Variants in DST observed in about 807,000 individuals in gnomAD.
DST encodes the protein dystonin.
In DST, 253 loss-of-function variants were observed where a neutral mutation model predicts 875.2. The ratio of observed to expected loss-of-function variants is 0.29; its 90% confidence interval spans 0.26 to 0.32. DST has a LOEUF of 0.32. DST is among the 10% of genes least tolerant of loss of function. The pLI, the probability that DST is intolerant of heterozygous loss-of-function variation, is 1.00. For synonymous variants in DST, 3,124 were observed against 3,197.1 expected (o/e 0.98, Z 0.77); for missense variants, 8,287 against 9,111.6 (o/e 0.91, Z 3.68).
Position 56,603,432 on chromosome 6 carries a change from T to C in DST, c.10942-12A>G. 1 of 1,608,616 alleles carries C rather than the reference T, an allele frequency of 6.2e-7. No homozygotes were observed. The highest frequency in any genetic ancestry group is 8.5e-7 in the Non-Finnish European group (1 of 1,178,164). ...CCCAATTCAAATGTCTGCAAAGAAA[T>C]ATATCCCGGACCTATTTACTATTTA... On this transcript the variant is annotated splice_polypyrimidine_tract_variant and intron_variant, in intron 41 of 103. Coordinates refer to ENST00000680361, the MANE Select transcript of DST (RefSeq NM_001374736.1).
intron 87 of DST, among the ~76,000 whole-genome samples, chr6:56,486,130 G>A (rs892364342): frequency 3.7e-4 from 57 of 152,156 alleles, no homozygotes; most frequent in African/African-American, 1.0e-3. Flanking sequence ...TTGGGAGGCC[G>A]AGGCGGGCGG....
At chr6:56,922,742 CT>C (rs1444396702) in intron 2 of DST, among the ~76,000 whole-genome samples, 1 of 152,114 alleles carries the variant, frequency 6.6e-6, no homozygotes, top group African/African-American at 2.4e-5. Context: ...GCAAATATGA[CT>C]TTTAATGAGT....
At chr6:56,716,909 C>T (rs183988320) in intron 5 of DST, among the ~76,000 whole-genome samples, 149 of 152,196 alleles carry the variant, frequency 9.8e-4, no homozygotes, top group African/African-American at 3.4e-3. Flanking sequence ...CGACCGGGTG[C>T]GGTGGCTCAC....
intron 4 of DST, among the ~76,000 whole-genome samples, chr6:56,758,985 C>G (rs1242949267): frequency 1.3e-5 from 2 of 152,168 alleles, no homozygotes; most frequent in African/African-American, 4.8e-5. Flanking sequence ...GCGCCTGACC[C>G]TGAGCATCAT....
chr6:56,477,381 C>G lies in DST; in HGVS notation c.21639G>C (p.Lys7213Asn), dbSNP rs747455841. ...TCGCCCGGATGATTGTTATCCAGTG[C>G]TTAATGGTAGTGATGGAGTCGGGGT... ...ICHPDSITTI[K>N]HWITIIRARF... is the part of the protein sequence containing the mutation. The change falls in exon 91 of 104, where the codon AAG becomes AAC. Residue 7213 changes from lysine to asparagine, a missense_variant. Physicochemically the swap from Lys to Asn is moderately conservative, Grantham distance 94. This residue lies in a region of DST where 1,292 missense variants were observed against 1,552.7 expected (regional missense o/e 0.83). Coordinates refer to ENST00000680361, the MANE Select transcript of DST (RefSeq NM_001374736.1). 1 of 1,613,856 alleles carries G rather than the reference C, an allele frequency of 6.2e-7. No individual in the cohort carries two copies. Among genetic ancestry groups the G allele is most frequent in the Non-Finnish European group, 8.5e-7 (1 of 1,179,894 alleles).
At chr6:56,871,833 G>A (rs1294327142) in intron 3 of DST, 1 of 290,640 alleles carries the variant, frequency 3.4e-6, no homozygotes, top group Non-Finnish European at 6.5e-6. Flanking sequence ...AACAATCAGG[G>A]TAAAGCAAAT....
At chr6:56,760,285 A>T (rs565941930) in intron 4 of DST, among the ~76,000 whole-genome samples, 20 of 152,332 alleles carry the variant, frequency 1.3e-4, no homozygotes, top group African/African-American at 4.8e-4. Context: ...GACATTAAAC[A>T]ACTTTGAGAA....
At chr6:56,758,680 G>A (rs911373431) in intron 4 of DST, among the ~76,000 whole-genome samples, 10 of 152,144 alleles carry the variant, frequency 6.6e-5, no homozygotes, top group African/African-American at 2.4e-4. Flanking sequence ...ACTATTGGCT[G>A]GAACCTCATT....
intron 27 of DST, among the ~76,000 whole-genome samples, chr6:56,633,842 G>A (rs979768097): frequency 1.3e-5 from 2 of 152,130 alleles, no homozygotes; most frequent in Non-Finnish European, 2.9e-5. Context: ...ACAAGTCTAC[G>A]AAACTCAAAT....
intron 9 of DST, among the ~76,000 whole-genome samples, chr6:56,699,221 A>T (rs1234078072): frequency 1.3e-5 from 2 of 152,222 alleles, no homozygotes; most frequent in African/African-American, 4.8e-5. Flanking sequence ...TTTCTTCTTC[A>T]CATCTCTTTA....
At chr6:56,759,043 A>C in intron 4 of DST, among the ~76,000 whole-genome samples, 1 of 151,908 alleles carries the variant, frequency 6.6e-6, no homozygotes, top group East Asian at 1.9e-4. Context: ...ATCATCCTGC[A>C]CTCCCCACCT....
intron 3 of DST, among the ~76,000 whole-genome samples, chr6:56,869,754 G>A (rs1206468843): frequency 6.6e-6 from 1 of 152,076 alleles, no homozygotes; most frequent in Non-Finnish European, 1.5e-5. Context: ...AAGTGCAGTG[G>A]TACAATCTCA....
chr6:56,870,500 C>T (rs1469905982), intron 3 of DST, among the ~76,000 whole-genome samples: 1 of 151,174 alleles, frequency 6.6e-6, no homozygotes, highest in East Asian at 1.9e-4. Flanking sequence ...CAGTGGCTCA[C>T]GCCTGTAATC....
At chr6:56,636,487 T>A (rs954658044) in intron 23 of DST, 70 bp downstream of exon 23, 2 of 1,171,720 alleles carry the variant, frequency 1.7e-6, no homozygotes, top group Non-Finnish European at 2.5e-6. Context: ...CAATAAATTA[T>A]GAAAAAGATT....
At chr6:56,850,783 G>T (rs913195739) in intron 4 of DST, among the ~76,000 whole-genome samples, 1 of 152,298 alleles carries the variant, frequency 6.6e-6, no homozygotes, top group African/African-American at 2.4e-5. Flanking sequence ...GGAACACCGG[G>T]TAACACAGAA....
At chr6:56,895,033 G>A (rs1790448682) in intron 3 of DST, among the ~76,000 whole-genome samples, 1 of 108,310 alleles carries the variant, frequency 9.2e-6, no homozygotes, top group Non-Finnish European at 1.8e-5. Flanking sequence ...GCGGGGGGTT[G>A]ACCCCCCACC....
intron 4 of DST, among the ~76,000 whole-genome samples, chr6:56,764,095 ATG>A (rs1491230213): frequency 3.5e-5 from 4 of 114,766 alleles, no homozygotes; most frequent in Admixed American, 1.0e-4. Context: ...CAAAGTGCAC[ATG>A]CACACACACA....
intron 4 of DST, among the ~76,000 whole-genome samples, chr6:56,774,784 G>A (rs578121147): frequency 6.6e-6 from 1 of 152,148 alleles, no homozygotes; most frequent in African/African-American, 2.4e-5. Context: ...CCTGAGGTCG[G>A]GAGTTCAAGA....
chr6:56,815,574 C>A (rs963707635), intron 4 of DST, among the ~76,000 whole-genome samples: 1 of 152,092 alleles, frequency 6.6e-6, no homozygotes, highest in Non-Finnish European at 1.5e-5. Context: ...TGTGCACATG[C>A]CCTTTAAAGA....
Sources: allele counts gnomAD v4.1 joint callset (sites outside exome capture counted in the v4.1 genomes callset), GRCh38; gene constraint gnomAD v4.1.1; regional missense constraint gnomAD v4.1.1; transcripts MANE v1.5; gene names NCBI Gene and HGNC (gene_info 2026-07-23, HGNC 2026-07-21).